Variants in SAMMSON observed in about 807,000 individuals in gnomAD.
The protein encoded by SAMMSON is survival associated mitochondrial melanoma specific oncogenic non-coding RNA.
intron 7 of SAMMSON, among the ~76,000 whole-genome samples, chr3:70,329,346 G>A (rs966386067): frequency 1.3e-5 from 2 of 152,058 alleles, no homozygotes; most frequent in Non-Finnish European, 2.9e-5. Context: ...TATTGGCAAA[G>A]CTCTTTTGCT....
intron 7 of SAMMSON, among the ~76,000 whole-genome samples, chr3:70,298,123 A>G (rs913447246): frequency 1.3e-4 from 20 of 152,146 alleles, no homozygotes; most frequent in African/African-American, 4.8e-4. Context: ...GTTTGACCAG[A>G]TAAGGATATT....
intron 3 of SAMMSON, among the ~76,000 whole-genome samples, chr3:70,057,486 A>G (rs1413900293): frequency 1.3e-5 from 2 of 152,084 alleles, no homozygotes; most frequent in African/African-American, 4.8e-5. Context: ...GAGGACATTT[A>G]GTTTTGAAAT....
At chr3:70,133,916 A>G (rs144594768) in intron 4 of SAMMSON, among the ~76,000 whole-genome samples, 1 of 152,236 alleles carries the variant, frequency 6.6e-6, no homozygotes, top group African/African-American at 2.4e-5. Context: ...TAAAGTGAAG[A>G]TAATATTTTC....
intron 2 of SAMMSON, among the ~76,000 whole-genome samples, chr3:70,427,905 T>C (rs1701384530): frequency 6.6e-6 from 1 of 152,144 alleles, no homozygotes; most frequent in Non-Finnish European, 1.5e-5. Context: ...TTGAAGGATA[T>C]AATATTAATA....
At chr3:70,008,440 C>G (rs1416614519) in intron 1 of SAMMSON, among the ~76,000 whole-genome samples, 1 of 151,056 alleles carries the variant, frequency 6.6e-6, no homozygotes, top group Non-Finnish European at 1.5e-5. Flanking sequence ...TGATTTGGCT[C>G]TCTGTTATTG....
intron 4 of SAMMSON, among the ~76,000 whole-genome samples, chr3:70,113,842 A>G (rs1002985751): frequency 6.6e-6 from 1 of 151,982 alleles, no homozygotes; most frequent in African/African-American, 2.4e-5. Flanking sequence ...TGAGAAGAGG[A>G]TGAGACCAGG....
At chr3:70,413,150 T>G (rs1392593334) in intron 2 of SAMMSON, among the ~76,000 whole-genome samples, 1 of 152,130 alleles carries the variant, frequency 6.6e-6, no homozygotes, top group Non-Finnish European at 1.5e-5. Flanking sequence ...ATATCTTGTG[T>G]GCTCTGAAGC....
At chr3:70,030,930 T>A (rs1441083816) in intron 3 of SAMMSON, among the ~76,000 whole-genome samples, 1 of 152,176 alleles carries the variant, frequency 6.6e-6, no homozygotes, top group Non-Finnish European at 1.5e-5. Context: ...AAATTGGAAC[T>A]CTTGTGCATT....
At chr3:70,011,514 A>G (rs774222218) in intron 1 of SAMMSON, among the ~76,000 whole-genome samples, 1 of 152,064 alleles carries the variant, frequency 6.6e-6, no homozygotes, top group Non-Finnish European at 1.5e-5. Context: ...AACAAAGCCA[A>G]CTTTGACCCC....
At chr3:70,155,186 A>G (rs9831082) in intron 4 of SAMMSON, among the ~76,000 whole-genome samples, 85,962 of 151,530 alleles carry the variant, frequency 0.57, 25,485 homozygotes, top group Non-Finnish European at 0.63. Flanking sequence ...CATTTTCCTC[A>G]TTTGTAAAGT....
intron 6 of SAMMSON, among the ~76,000 whole-genome samples, chr3:70,288,443 T>G (rs1423976361): frequency 6.6e-6 from 1 of 151,286 alleles, no homozygotes; most frequent in Non-Finnish European, 1.5e-5. Flanking sequence ...ATAATTTCTG[T>G]TCTTTTGCAT....
chr3:70,303,946 G>A (rs1702375923), intron 7 of SAMMSON, among the ~76,000 whole-genome samples: 1 of 152,174 alleles, frequency 6.6e-6, no homozygotes, highest in Admixed American at 6.5e-5. Context: ...GCTTCTCAAG[G>A]TGCTGGAATT....
intron 4 of SAMMSON, among the ~76,000 whole-genome samples, chr3:70,136,621 A>T (rs934550899): frequency 6.6e-6 from 1 of 152,190 alleles, no homozygotes; most frequent in East Asian, 1.9e-4. Context: ...TTTGCTTCAG[A>T]CCTTTAAATT....
intron 7 of SAMMSON, among the ~76,000 whole-genome samples, chr3:70,327,047 G>A (rs1702585136): frequency 6.6e-6 from 1 of 152,078 alleles, no homozygotes; most frequent in Non-Finnish European, 1.5e-5. Context: ...CAGTAGAGAT[G>A]GGGTTTCGCC....
intron 4 of SAMMSON, among the ~76,000 whole-genome samples, chr3:70,229,476 T>A (rs1476575417): frequency 3.3e-5 from 5 of 152,228 alleles, no homozygotes; most frequent in Non-Finnish European, 5.9e-5. Flanking sequence ...TGCTTCCTTT[T>A]TCTGGGCACA....
chr3:70,024,622 C>T (rs1168902935), intron 3 of SAMMSON, among the ~76,000 whole-genome samples: 1 of 152,132 alleles, frequency 6.6e-6, no homozygotes, highest in Non-Finnish European at 1.5e-5. Context: ...CGTGGTTCTT[C>T]ACTTGGTCCT....
intron 4 of SAMMSON, among the ~76,000 whole-genome samples, chr3:70,229,027 G>A (rs1244173605): frequency 6.6e-6 from 1 of 152,108 alleles, no homozygotes; most frequent in Non-Finnish European, 1.5e-5. Flanking sequence ...ACCAATGCAG[G>A]GCACCCCACT....
At chr3:70,201,944 T>C (rs969032870) in intron 4 of SAMMSON, among the ~76,000 whole-genome samples, 3 of 152,204 alleles carry the variant, frequency 2.0e-5, no homozygotes, top group Non-Finnish European at 4.4e-5. Flanking sequence ...TCCTGCTCTT[T>C]GCTTTGGGTG....
At chr3:70,038,998 G>T (rs1393698240) in intron 3 of SAMMSON, among the ~76,000 whole-genome samples, 1 of 152,096 alleles carries the variant, frequency 6.6e-6, no homozygotes, top group African/African-American at 2.4e-5. Context: ...AGACAGGGAT[G>T]TGGTTATGTT....
Sources: gnomAD v4.1 joint callset for allele counts (sites outside exome capture counted in the v4.1 genomes callset) on GRCh38, gnomAD v4.1.1 for gene constraint, MANE v1.5 for transcripts, NCBI Gene and HGNC (gene_info 2026-07-23, HGNC 2026-07-21) for gene names.